CFAP263: variants seen among roughly 807,000 people sequenced by gnomAD.
The protein encoded by CFAP263 is cilia and flagella associated protein 263.
the CFAP263 span, chr16:58,253,920 G>A: frequency 2.0e-6 from 3 of 1,516,870 alleles, no homozygotes; most frequent in South Asian, 2.3e-5. Flanking sequence ...CAGGTCAGAG[G>A]ATCATTCTGA....
At chr16:58,250,142 C>T in the CFAP263 span, 2 of 1,432,204 alleles carry the variant, frequency 1.4e-6, no homozygotes, top group South Asian at 1.2e-5. Flanking sequence ...CTGGGGGCCG[C>T]CCCTCTTCCT....
the CFAP263 span, chr16:58,252,654 T>C: frequency 2.9e-6 from 4 of 1,368,720 alleles, no homozygotes; most frequent in South Asian, 1.2e-5. Context: ...GCAGGTCTAC[T>C]AGTTATTAAA....
chr16:58,251,887 A>C, the CFAP263 span, among the ~76,000 whole-genome samples: 1 of 152,254 alleles, frequency 6.6e-6, no homozygotes, highest in Non-Finnish European at 1.5e-5. Flanking sequence ...GAAGTTAAAA[A>C]GGTTATAACC....
the CFAP263 span, among the ~76,000 whole-genome samples, chr16:58,255,683 C>A: frequency 6.6e-6 from 1 of 151,888 alleles, no homozygotes; most frequent in Admixed American, 6.6e-5. Flanking sequence ...CTCAGCCTCC[C>A]GAGTAGCTGG....
the CFAP263 span, chr16:58,279,813 A>T: frequency 3.3e-6 from 5 of 1,504,404 alleles, no homozygotes; most frequent in Middle Eastern, 1.7e-4. Context: ...CCACTACATG[A>T]CCTATAAAAG....
chr16:58,262,746 A>G, the CFAP263 span, among the ~76,000 whole-genome samples: 3 of 150,198 alleles, frequency 2.0e-5, no homozygotes, highest in African/African-American at 7.4e-5. Context: ...ACAAACAAAC[A>G]TATAGATAGA....
the CFAP263 span, among the ~76,000 whole-genome samples, chr16:58,275,336 A>G: frequency 6.6e-6 from 1 of 152,146 alleles, no homozygotes; most frequent in Non-Finnish European, 1.5e-5. Flanking sequence ...ATTAAAAGAC[A>G]ATACCATATT....
At chr16:58,282,923 C>G in the CFAP263 span, 1 of 152,294 alleles carries the variant, frequency 6.6e-6, no homozygotes, top group Non-Finnish European at 1.5e-5. Context: ...TTCCACCCAC[C>G]TGGGCACAGC....
the CFAP263 span, chr16:58,258,419 C>T: frequency 1.2e-6 from 2 of 1,613,684 alleles, no homozygotes; most frequent in African/African-American, 2.7e-5. Flanking sequence ...GAGAGAAGTG[C>T]ATGAGTTTGA....
chr16:58,266,403 ATATTTTTTTT>A, the CFAP263 span, among the ~76,000 whole-genome samples: 137 of 29,376 alleles, frequency 4.7e-3, no homozygotes, highest in Middle Eastern at 0.028. Context: ...ATATATATAT[ATATTTTTTTT>A]TTTTTTTTTT....
the CFAP263 span, chr16:58,283,193 T>C: frequency 1.8e-4 from 28 of 152,318 alleles, no homozygotes; most frequent in Non-Finnish European, 2.6e-4. Context: ...GGGAAACCCA[T>C]AGGCAGATTC....
chr16:58,251,436 G>C, the CFAP263 span, among the ~76,000 whole-genome samples: 1 of 152,194 alleles, frequency 6.6e-6, no homozygotes, highest in Admixed American at 6.5e-5. Flanking sequence ...CTGTCGCCCA[G>C]GCTGAAGTAC....
the CFAP263 span, chr16:58,262,405 C>A: frequency 2.5e-6 from 4 of 1,611,794 alleles, no homozygotes; most frequent in Admixed American, 3.3e-5. Flanking sequence ...TGAGTGAGGC[C>A]CTTCACGATG....
the CFAP263 span, among the ~76,000 whole-genome samples, chr16:58,254,382 A>G: frequency 3.9e-5 from 6 of 152,312 alleles, no homozygotes; most frequent in South Asian, 2.1e-4. Context: ...ACACGAATGT[A>G]GAGAGGCTAG....
chr16:58,264,177 A>C, the CFAP263 span, among the ~76,000 whole-genome samples: 1 of 152,150 alleles, frequency 6.6e-6, no homozygotes, highest in Non-Finnish European at 1.5e-5. Flanking sequence ...GATCACTGTT[A>C]TTTATAGAGG....
At chr16:58,265,148 T>A in the CFAP263 span, among the ~76,000 whole-genome samples, 2 of 152,342 alleles carry the variant, frequency 1.3e-5, no homozygotes, top group South Asian at 2.1e-4. Context: ...TTCTAAGATG[T>A]CCCCAAGAAT....
the CFAP263 span, among the ~76,000 whole-genome samples, chr16:58,259,461 G>A: frequency 6.6e-6 from 1 of 152,198 alleles, no homozygotes; most frequent in Admixed American, 6.5e-5. Context: ...TTTACAACAC[G>A]TCAAGCTTTA....
At chr16:58,265,601 G>A in the CFAP263 span, among the ~76,000 whole-genome samples, 4 of 152,220 alleles carry the variant, frequency 2.6e-5, no homozygotes, top group African/African-American at 7.2e-5. Context: ...AGCTCTGGGC[G>A]GACACCTTGA....
the CFAP263 span, among the ~76,000 whole-genome samples, chr16:58,257,983 C>T: frequency 6.6e-6 from 1 of 151,912 alleles, no homozygotes; most frequent in Admixed American, 6.6e-5. Flanking sequence ...TGGCAGGTGC[C>T]TGTAGTCCCA....
Sources: allele counts gnomAD v4.1 joint callset (sites outside exome capture counted in the v4.1 genomes callset), GRCh38; gene constraint gnomAD v4.1.1; transcripts MANE v1.5; gene names NCBI Gene and HGNC (gene_info 2026-07-23, HGNC 2026-07-21).